RBFOX1: variants seen among roughly 807,000 people sequenced by gnomAD.
The protein encoded by RBFOX1 is RNA binding protein fox-1 homolog 1.
Under a neutral mutation model 57.7 loss-of-function variants are expected in RBFOX1, and 8 were observed. That is an observed-to-expected ratio of 0.14 (90% CI 0.08 to 0.25). The LOEUF (loss-of-function observed/expected upper bound fraction) is 0.25. Among genes scored for constraint, RBFOX1 ranks in the 10% least tolerant of loss-of-function variants. The pLI is 1.00. For synonymous variants in RBFOX1, 326 were observed against 222.4 expected, an observed-to-expected ratio of 1.47 and a Z score of -4.15; for missense variants, 611 against 548.5, an observed-to-expected ratio of 1.11 and a Z score of -1.14.
At chr16:5,469,223 A>G (rs987022823) in intron 2 of RBFOX1, among the ~76,000 whole-genome samples, 1 of 152,298 alleles carries the variant, frequency 6.6e-6, no homozygotes, top group South Asian at 2.1e-4. Context: ...AGCTTCTCAG[A>G]GTCCTCTTTC....
intron 4 of RBFOX1, among the ~76,000 whole-genome samples, chr16:5,927,066 A>G (rs1558233): frequency 0.17 from 25,205 of 152,216 alleles, 2,725 homozygotes; most frequent in Non-Finnish European, 0.24. Context: ...GATTTTTGAC[A>G]TATTTTTATA....
chr16:6,393,036 A>G (rs1198285354), intron 2 of RBFOX1, among the ~76,000 whole-genome samples: 1 of 152,194 alleles, frequency 6.6e-6, no homozygotes, highest in Non-Finnish European at 1.5e-5. Flanking sequence ...GTTGAACAAT[A>G]GGCTGGGACA....
intron 3 of RBFOX1, among the ~76,000 whole-genome samples, chr16:6,806,836 ATT>A (rs1555488600): frequency 3.2e-4 from 29 of 91,870 alleles, no homozygotes; most frequent in South Asian, 7.9e-4. Flanking sequence ...ATATATATAT[ATT>A]TTTTTTTTTT....
intron 3 of RBFOX1, among the ~76,000 whole-genome samples, chr16:6,762,883 A>T (rs1176283646): frequency 6.6e-6 from 1 of 152,186 alleles, no homozygotes; most frequent in Non-Finnish European, 1.5e-5. Flanking sequence ...GGGTGGGAGT[A>T]AGTGGGTACA....
At chr16:7,611,105 G>A (rs991530002) in intron 10 of RBFOX1, among the ~76,000 whole-genome samples, 1 of 152,110 alleles carries the variant, frequency 6.6e-6, no homozygotes, top group Non-Finnish European at 1.5e-5. Context: ...TTCTCATAGT[G>A]TAATTATTTG....
chr16:5,829,903 C>G (rs2056203747), intron 3 of RBFOX1, among the ~76,000 whole-genome samples: 1 of 151,992 alleles, frequency 6.6e-6, no homozygotes, highest in African/African-American at 2.4e-5. Flanking sequence ...TTTTTTTCCC[C>G]TTAGGTGACT....
chr16:6,894,629 C>T (rs1172665255), intron 3 of RBFOX1, among the ~76,000 whole-genome samples: 1 of 152,166 alleles, frequency 6.6e-6, no homozygotes, highest in African/African-American at 2.4e-5. Context: ...TTTAAACTGA[C>T]ACTTTCTCTC....
At chr16:6,398,166 C>T (rs1406416109) in intron 2 of RBFOX1, among the ~76,000 whole-genome samples, 4 of 152,142 alleles carry the variant, frequency 2.6e-5, no homozygotes, top group African/African-American at 4.8e-5. Flanking sequence ...CTCATGAGAA[C>T]TCACCATCAT....
chr16:5,489,106 C>G (rs2042741496), intron 2 of RBFOX1, among the ~76,000 whole-genome samples: 1 of 152,166 alleles, frequency 6.6e-6, no homozygotes, highest in Non-Finnish European at 1.5e-5. Context: ...TCAGACGCTG[C>G]CTGTCCAGCT....
At chr16:6,428,975 G>A (rs78968900) in intron 2 of RBFOX1, among the ~76,000 whole-genome samples, 144 of 152,328 alleles carry the variant, frequency 9.5e-4, no homozygotes, top group African/African-American at 3.4e-3. Flanking sequence ...TGGACCTGCG[G>A]CGTGCACAGA....
intron 3 of RBFOX1, among the ~76,000 whole-genome samples, chr16:6,861,011 G>C (rs1010922844): frequency 6.6e-6 from 1 of 152,146 alleles, no homozygotes; most frequent in Non-Finnish European, 1.5e-5. Context: ...AAGTTCAGCA[G>C]TATGCCCACC....
intron 4 of RBFOX1, among the ~76,000 whole-genome samples, chr16:7,384,310 A>G (rs1345353077): frequency 1.3e-5 from 2 of 152,120 alleles, no homozygotes; most frequent in Admixed American, 1.3e-4. Context: ...GGGGACAGTC[A>G]TTTAGTGTTG....
chr16:7,703,960 T>C (rs2081582253), intron 14 of RBFOX1, among the ~76,000 whole-genome samples: 2 of 152,212 alleles, frequency 1.3e-5, no homozygotes, highest in African/African-American at 2.4e-5. Flanking sequence ...GTTTGTGAAA[T>C]ACAATCTAAG....
At position 5,472,527 on chromosome 16, in the gene RBFOX1, G is replaced by A. The variant is rs118181321; in HGVS notation, c.258+5273G>A. Among the ~76,000 whole-genome samples the A allele has an allele frequency of 6.4e-4, 98 of 152,220 alleles. 1 individual carries two copies. The East Asian group carries it at 0.013, about 20-fold the overall frequency. ...CTGGGGAGTATTTGCTCTTTTTAATGCTATCCCAGGGGTCAGGAGGGTCCG... is the reference window on the plus strand; with the variant it reads ...CTGGGGAGTATTTGCTCTTTTTAATACTATCCCAGGGGTCAGGAGGGTCCG... On this transcript the variant is annotated intron_variant, in intron 2 of 2. Transcript: ENST00000585867.
intron 4 of RBFOX1, among the ~76,000 whole-genome samples, chr16:7,462,878 G>A (rs1353706844): frequency 6.6e-6 from 1 of 152,168 alleles, no homozygotes; most frequent in South Asian, 2.1e-4. Context: ...ACTCTAGTTG[G>A]AGAAAGTTGT....
chr16:7,477,039 C>A (rs2062867850), intron 4 of RBFOX1, among the ~76,000 whole-genome samples: 2 of 152,146 alleles, frequency 1.3e-5, no homozygotes, highest in Admixed American at 1.3e-4. Flanking sequence ...CAGGCTGGAA[C>A]CGTGGGTAAC....
intron 1 of RBFOX1, among the ~76,000 whole-genome samples, chr16:5,302,861 T>A (rs2063838806): frequency 6.6e-6 from 1 of 152,234 alleles, no homozygotes; most frequent in Non-Finnish European, 1.5e-5. Flanking sequence ...ATATAGTTAA[T>A]CTTGCTTTTT....
At chr16:7,361,315 A>G (rs1023102078) in intron 4 of RBFOX1, among the ~76,000 whole-genome samples, 1 of 152,220 alleles carries the variant, frequency 6.6e-6, no homozygotes, top group Non-Finnish European at 1.5e-5. Context: ...TCTAGGTGGC[A>G]CTTAGAGGAT....
At chr16:5,692,987 A>G (rs1325034342) in intron 3 of RBFOX1, among the ~76,000 whole-genome samples, 1 of 152,216 alleles carries the variant, frequency 6.6e-6, no homozygotes, top group Non-Finnish European at 1.5e-5. Flanking sequence ...TCACTACACA[A>G]TTCACTATTT....
Sources: gnomAD v4.1 joint callset for allele counts (sites outside exome capture counted in the v4.1 genomes callset) on GRCh38, gnomAD v4.1.1 for gene constraint, MANE v1.5 for transcripts, NCBI Gene and HGNC (gene_info 2026-07-23, HGNC 2026-07-21) for gene names.